The following CCBE1 variants were observed in gnomAD, a reference collection of about 807,000 sequenced individuals.
CCBE1 encodes collagen and calcium binding EGF domains 1.
Under a neutral mutation model 50.0 loss-of-function variants are expected in CCBE1, and 37 were observed. That is an observed-to-expected ratio of 0.74 (90% CI 0.57 to 0.97). CCBE1 has a LOEUF of 0.97. Ranked by LOEUF, CCBE1 falls within the 50% of genes least tolerant of loss-of-function variation. The pLI is 0.00. For missense variants in CCBE1, 538 were observed against 523.8 expected, an observed-to-expected ratio of 1.03 and a Z score of -0.26; for synonymous variants, 234 against 203.7, an observed-to-expected ratio of 1.15 and a Z score of -1.27.
chr18:59,656,893 T>A (rs972526756), intron 2 of CCBE1, among the ~76,000 whole-genome samples: 14 of 152,174 alleles, frequency 9.2e-5, no homozygotes. Context: ...TAATCTGCCA[T>A]TAGCTAAGCC....
intron 5 of CCBE1, among the ~76,000 whole-genome samples, chr18:59,459,592 A>G (rs1424739379): frequency 6.6e-6 from 1 of 152,240 alleles, no homozygotes; most frequent in Non-Finnish European, 1.5e-5. Context: ...GAAGTTGACC[A>G]GGACGTCTAT....
chr18:59,473,079 A>C (rs1026621562), intron 3 of CCBE1, among the ~76,000 whole-genome samples: 1 of 152,110 alleles, frequency 6.6e-6, no homozygotes, highest in Admixed American at 6.6e-5. Flanking sequence ...ACACAGCCAA[A>C]CCATATATCC....
In CCBE1 at chr18:59,435,949, C is replaced by G. The variant is rs1381134355; in HGVS notation, c.1180G>C (p.Glu394Gln). 1.9e-6 allele frequency: 3 copies of G among 1,614,120 alleles called. No homozygotes were observed. Among genetic ancestry groups the G allele is most frequent in the Non-Finnish European group, 2.5e-6 (3 of 1,180,028 alleles). Reference sequence around the variant, plus strand: ...CTGGGGGCTCTCAAGTCTCTTGTCTCAGTTCTTCTTGGATGGTCATCTCCA... The same window carrying G: ...CTGGGGGCTCTCAAGTCTCTTGTCTGAGTTCTTCTTGGATGGTCATCTCCA... ...GSGDDHPRRT[E>Q]TRDLRAPRDF... Residue 394 changes from glutamate to glutamine, a missense_variant, in exon 11 of 11, where the codon GAG becomes CAG. Physicochemically the swap from Glu to Gln is conservative, Grantham distance 29. Transcript: ENST00000439986.
chr18:59,605,853 A>T (rs763651154), intron 2 of CCBE1, among the ~76,000 whole-genome samples: 1 of 152,156 alleles, frequency 6.6e-6, no homozygotes, highest in Non-Finnish European at 1.5e-5. Context: ...GGGATAAGCT[A>T]TCCTCCCTCT....
At chr18:59,456,696 T>A (rs557085188) in intron 5 of CCBE1, among the ~76,000 whole-genome samples, 9 of 152,230 alleles carry the variant, frequency 5.9e-5, no homozygotes, top group African/African-American at 1.7e-4. Flanking sequence ...CTTGAATGGA[T>A]GGAGGGAGAG....
At chr18:59,619,447 G>A (rs986647795) in intron 2 of CCBE1, among the ~76,000 whole-genome samples, 2 of 152,174 alleles carry the variant, frequency 1.3e-5, no homozygotes, top group South Asian at 4.1e-4. Flanking sequence ...GCCTCCCCAG[G>A]TAGCTAGGAC....
intron 2 of CCBE1, among the ~76,000 whole-genome samples, chr18:59,540,416 G>C (rs1443075465): frequency 1.3e-5 from 2 of 152,318 alleles, no homozygotes; most frequent in Admixed American, 1.3e-4. Flanking sequence ...ATATGTTCCA[G>C]TGAAGCTGAG....
At chr18:59,636,002 A>G (rs2053911249) in intron 2 of CCBE1, among the ~76,000 whole-genome samples, 1 of 152,128 alleles carries the variant, frequency 6.6e-6, no homozygotes, top group South Asian at 2.1e-4. Flanking sequence ...CTCAACAACA[A>G]CAACAAAAAA....
intron 7 of CCBE1, among the ~76,000 whole-genome samples, chr18:59,447,666 G>C (rs1176690765): frequency 6.6e-6 from 1 of 152,146 alleles, no homozygotes; most frequent in Non-Finnish European, 1.5e-5. Context: ...TTTTGTATAT[G>C]TTAAAATTTT....
intron 2 of CCBE1, among the ~76,000 whole-genome samples, chr18:59,539,378 C>T (rs113982515): frequency 7.2e-5 from 11 of 152,244 alleles, no homozygotes; most frequent in African/African-American, 1.9e-4. Context: ...CCTTGTCCAA[C>T]GCCCCATGAG....
At chr18:59,555,125 T>C (rs1323524833) in intron 2 of CCBE1, among the ~76,000 whole-genome samples, 1 of 152,208 alleles carries the variant, frequency 6.6e-6, no homozygotes, top group Non-Finnish European at 1.5e-5. Flanking sequence ...ATGTGACCCA[T>C]TCCACATGAA....
intron 2 of CCBE1, among the ~76,000 whole-genome samples, chr18:59,664,152 C>T (rs1196782951): frequency 6.6e-6 from 1 of 152,108 alleles, no homozygotes; most frequent in African/African-American, 2.4e-5. Context: ...TATATCTTCA[C>T]ACGGAAGGAC....
chr18:59,492,096 G>T (rs1236227109), intron 2 of CCBE1, among the ~76,000 whole-genome samples: 6 of 124,510 alleles, frequency 4.8e-5, no homozygotes, highest in Non-Finnish European at 9.4e-5. Flanking sequence ...AGTGGGCCAA[G>T]ATTGTGCCAC....
At chr18:59,656,307 A>G (rs2054188417) in intron 2 of CCBE1, among the ~76,000 whole-genome samples, 1 of 152,226 alleles carries the variant, frequency 6.6e-6, no homozygotes, top group South Asian at 2.1e-4. Context: ...TATATTTTGT[A>G]CTATACATAA....
chr18:59,653,126 C>T (rs78716551), intron 2 of CCBE1, among the ~76,000 whole-genome samples: 209 of 152,322 alleles, frequency 1.4e-3, no homozygotes, highest in African/African-American at 4.6e-3. Flanking sequence ...AGCATGTATA[C>T]GTGTGGCATA....
In CCBE1 at chr18:59,697,220, G is replaced by T. The variant is rs80008675; in HGVS notation, c.123C>A (p.Asp41Glu). 3.3e-3 allele frequency: 5,049 copies of T among 1,548,800 alleles called. 158 individuals are homozygous for T. The African/African-American group carries it at 0.062, about 19-fold the overall frequency. The change falls in exon 1 of 11, where the codon GAC becomes GAA. Residue 41 changes from aspartate to glutamate, a missense_variant. Physicochemically the swap from Asp to Glu is conservative, Grantham distance 45. Transcript: ENST00000439986. Reference sequence around the variant, plus strand: ...GGGCTTGCAGCGCTTACCTGTCGCCGTCCTCCGGCTCCTCTCTGTAGGTCC... The same window carrying T: ...GGGCTTGCAGCGCTTACCTGTCGCCTTCCTCCGGCTCCTCTCTGTAGGTCC... ...HTWTYREEPE[D>E]GDREICSESK...
At chr18:59,497,365 A>G (rs540391966) in intron 2 of CCBE1, among the ~76,000 whole-genome samples, 16 of 152,334 alleles carry the variant, frequency 1.1e-4, no homozygotes, top group African/African-American at 3.6e-4. Flanking sequence ...GATCATACTG[A>G]GTAATATACT....
intron 2 of CCBE1, among the ~76,000 whole-genome samples, chr18:59,624,457 T>C (rs540640484): frequency 6.6e-6 from 1 of 152,344 alleles, no homozygotes; most frequent in East Asian, 1.9e-4. Context: ...ATATTTGTGA[T>C]TGTTGGAACT....
chr18:59,605,079 G>A (rs2053479916), intron 2 of CCBE1, among the ~76,000 whole-genome samples: 2 of 152,216 alleles, frequency 1.3e-5, no homozygotes, highest in South Asian at 4.1e-4. Flanking sequence ...TGATTGCAAA[G>A]GCTGGGAAAA....
Sources: gnomAD v4.1 joint callset for allele counts (sites outside exome capture counted in the v4.1 genomes callset) on GRCh38, gnomAD v4.1.1 for gene constraint, MANE v1.5 for transcripts, NCBI Gene and HGNC (gene_info 2026-07-23, HGNC 2026-07-21) for gene names.